Variants in METTL15 observed in about 807,000 individuals in gnomAD.
METTL15 encodes methyltransferase 15, mitochondrial 12S rRNA N4-cytidine.
METTL15 carries 34 observed loss-of-function variants against 38.3 expected under a neutral mutation model. That is an observed-to-expected ratio of 0.89 (90% CI 0.68 to 1.18). The LOEUF is 1.18. METTL15 is among the 50% of genes most tolerant of loss of function. The pLI is 0.00. For synonymous variants in METTL15, 162 were observed against 170.9 expected (o/e 0.95, Z 0.41); for missense variants, 438 against 498.4 (o/e 0.88, Z 1.15).
At chr11:28,153,205 C>T (rs1054638918) in intron 3 of METTL15, among the ~76,000 whole-genome samples, 2 of 152,002 alleles carry the variant, frequency 1.3e-5, no homozygotes, top group Non-Finnish European at 2.9e-5. Context: ...TGTCTAACCT[C>T]CTGTGTCTCA....
intron 6 of METTL15, among the ~76,000 whole-genome samples, chr11:28,497,960 A>T (rs1851549643): frequency 6.6e-6 from 1 of 151,654 alleles, no homozygotes; most frequent in South Asian, 2.1e-4. Context: ...AAGCTGAGGC[A>T]TGAGAATCGC....
intron 6 of METTL15, among the ~76,000 whole-genome samples, chr11:28,514,597 T>G (rs1454969726): frequency 6.6e-6 from 1 of 152,246 alleles, no homozygotes; most frequent in Non-Finnish European, 1.5e-5. Flanking sequence ...TCCCCCGCAC[T>G]TACAATCCTT....
chr11:28,234,208 T>G (rs956677665), intron 4 of METTL15, among the ~76,000 whole-genome samples: 4 of 152,202 alleles, frequency 2.6e-5, no homozygotes, highest in Admixed American at 6.5e-5. Flanking sequence ...CTATCATTGT[T>G]GGACATTTGG....
intron 3 of METTL15, among the ~76,000 whole-genome samples, chr11:28,115,582 G>A (rs1851906175): frequency 6.6e-6 from 1 of 151,752 alleles, no homozygotes; most frequent in African/African-American, 2.4e-5. Flanking sequence ...CATATGTTAT[G>A]TGTATTATAT....
intron 5 of METTL15, among the ~76,000 whole-genome samples, chr11:28,378,306 A>T (rs1413857493): frequency 6.6e-6 from 1 of 152,136 alleles, no homozygotes; most frequent in Non-Finnish European, 1.5e-5. Context: ...GCAATCAGCG[A>T]TACTCCGTGG....
chr11:28,113,687 ATTCAGTGGCC>A (rs1851820643), intron 3 of METTL15, 83 bp downstream of exon 3: 1 of 1,449,538 alleles, frequency 6.9e-7, no homozygotes, highest in African/African-American at 1.4e-5. Context: ...AAGGTATACA[ATTCAGTGGCC>A]TTTAGTATAC....
At chr11:28,438,515 A>AT (rs1389313683) in intron 6 of METTL15, among the ~76,000 whole-genome samples, 1 of 152,140 alleles carries the variant, frequency 6.6e-6, no homozygotes, top group Non-Finnish European at 1.5e-5. Flanking sequence ...GTCAGACTTT[A>AT]TCATCTGACT....
chr11:28,425,217 A>G (rs1014472558), intron 6 of METTL15, among the ~76,000 whole-genome samples: 4 of 152,192 alleles, frequency 2.6e-5, no homozygotes, highest in African/African-American at 2.4e-5. Flanking sequence ...CCATCCCTCC[A>G]TCTATTCACC....
rs146931691 is a variant in METTL15, at chr11:28,260,060, G to A, written c.408-30146G>A. On this transcript the variant is annotated intron_variant, in intron 4 of 6. Coordinates refer to ENST00000407364, the MANE Select transcript of METTL15 (RefSeq NM_001113528.2). The stretch of plus-strand genomic sequence containing the variant: ...GCCATCATCTGTAGCCTGGCTTACT[G>A]CAAAAGTCTTCTAATTTTTCTGTCT... 9.5e-4 allele frequency among the ~76,000 whole-genome samples: 144 copies of A among 152,274 alleles called. 2 individuals carry two copies. The East Asian group carries it at 0.023, about 24-fold the overall frequency.
chr11:28,517,044 G>A (rs1036751834), intron 6 of METTL15: 1 of 152,202 alleles, frequency 6.6e-6, no homozygotes, highest in Non-Finnish European at 1.5e-5. Flanking sequence ...TGGGAACATC[G>A]AAACATTTCA....
At chr11:28,284,761 C>T (rs1394512347) in intron 4 of METTL15, among the ~76,000 whole-genome samples, 2 of 152,004 alleles carry the variant, frequency 1.3e-5, no homozygotes, top group East Asian at 1.9e-4. Context: ...TCTTGCTGAT[C>T]GTTATGGAAT....
intron 6 of METTL15, among the ~76,000 whole-genome samples, chr11:28,454,707 A>G (rs1292242451): frequency 2.0e-5 from 3 of 152,204 alleles, no homozygotes; most frequent in Non-Finnish European, 4.4e-5. Flanking sequence ...ACATATTCAG[A>G]CTGAACAACA....
At chr11:28,126,763 C>T (rs1219777451) in intron 3 of METTL15, among the ~76,000 whole-genome samples, 1 of 152,042 alleles carries the variant, frequency 6.6e-6, no homozygotes, top group East Asian at 1.9e-4. Flanking sequence ...GGTCTTAGCC[C>T]TTAAGGAGCT....
chr11:28,273,455 G>A (rs191092362), intron 4 of METTL15, among the ~76,000 whole-genome samples: 32 of 152,058 alleles, frequency 2.1e-4, no homozygotes, highest in Middle Eastern at 3.4e-3. Flanking sequence ...AGGTAATGTA[G>A]GGTTTGAATT....
intron 6 of METTL15, among the ~76,000 whole-genome samples, chr11:28,443,467 C>G (rs1221991834): frequency 6.6e-6 from 1 of 152,132 alleles, no homozygotes; most frequent in Non-Finnish European, 1.5e-5. Flanking sequence ...TCCAAGTAGA[C>G]AGTTCCCAAG....
intron 5 of METTL15, among the ~76,000 whole-genome samples, chr11:28,400,277 T>G (rs569160687): frequency 1.3e-5 from 2 of 152,076 alleles, no homozygotes; most frequent in Admixed American, 1.3e-4. Context: ...CAAAGCAGCT[T>G]CATTTGACTT....
chr11:28,312,326 A>G (rs1857333157), intron 6 of METTL15, among the ~76,000 whole-genome samples: 1 of 152,208 alleles, frequency 6.6e-6, no homozygotes, highest in African/African-American at 2.4e-5. Flanking sequence ...TATTGAAGCT[A>G]CTACATTTGC....
rs572204223 is a variant in METTL15 at position 28,378,516 on chromosome 11, G to A, written c.*358+16480G>A. On this transcript the variant is annotated intron_variant and NMD_transcript_variant, in intron 5 of 7. Transcript: ENST00000532947. ...GCAATGCCTCGCCCTGCTTCGGCTCGTGCACGGTGCGTGCACCCACTGACC... is the reference window on the plus strand; with the variant it reads ...GCAATGCCTCGCCCTGCTTCGGCTCATGCACGGTGCGTGCACCCACTGACC... 1.2e-4 allele frequency among the ~76,000 whole-genome samples: 19 copies of A among 152,226 alleles called. No homozygotes were observed. The South Asian group carries it at 1.7e-3, about 13-fold the overall frequency.
intron 3 of METTL15, among the ~76,000 whole-genome samples, chr11:28,195,139 C>T (rs371782655): frequency 1.3e-5 from 2 of 151,912 alleles, no homozygotes; most frequent in Non-Finnish European, 2.9e-5. Flanking sequence ...TTTGCAATTG[C>T]GAATTGTACT....
Sources: allele counts gnomAD v4.1 joint callset (sites outside exome capture counted in the v4.1 genomes callset), GRCh38; gene constraint gnomAD v4.1.1; transcripts MANE v1.5; gene names NCBI Gene and HGNC (gene_info 2026-07-23, HGNC 2026-07-21).